PCDH11Y: variants seen among roughly 807,000 people sequenced by gnomAD.
PCDH11Y encodes protocadherin 11 Y-linked.
For synonymous variants in PCDH11Y, 9 were observed against 83.6 expected, an observed-to-expected ratio of 0.11 and a Z score of 4.87; for missense variants, 12 against 224.8, an observed-to-expected ratio of 0.05 and a Z score of 6.05.
chrY:5,006,497 C>A (rs2052539944), intron 1 of PCDH11Y, among the ~76,000 whole-genome samples: 1 of 33,330 alleles, frequency 3.0e-5, no homozygotes, highest in Non-Finnish European at 7.4e-5. Context: ...TCTCTACATT[C>A]AGTGGAATTG....
chrY:5,664,610 T>C, intron 4 of PCDH11Y, among the ~76,000 whole-genome samples: 1 of 29,082 alleles, frequency 3.4e-5, no homozygotes, highest in Non-Finnish European at 8.3e-5. Context: ...TTTTTCTTTT[T>C]TTTTTTTTTT....
In PCDH11Y at chrY:5,191,597, T is replaced by C. The variant is rs771780129; in HGVS notation, c.3129+90890T>C. 1.2e-3 allele frequency among the ~76,000 whole-genome samples: 38 copies of C among 31,233 alleles called. No homozygotes were observed. The South Asian group carries it at 0.028, about 23-fold the overall frequency. The allele number at this position is 31,233 out of a possible 37,273, so 83.8% of individuals were successfully genotyped here. A position where few individuals can be genotyped will look rare whatever the true frequency, so the allele number is the denominator to read the frequency against. On this transcript the variant is annotated intron_variant, in intron 2 of 4. Coordinates refer to the PCDH11Y transcript ENST00000400457. ...ATCTGGCTTTTAAGCCCCGCATACATTAAATATTTGTCCTAATGCTCTCCT... is the reference window on the plus strand; with the variant it reads ...ATCTGGCTTTTAAGCCCCGCATACACTAAATATTTGTCCTAATGCTCTCCT...
chrY:5,655,817 T>C (rs2124706650), intron 4 of PCDH11Y, among the ~76,000 whole-genome samples: 3 of 30,365 alleles, frequency 9.9e-5, no homozygotes, highest in Admixed American at 3.1e-4. Context: ...GTGTACGAGG[T>C]TTCCCTGTTC....
intron 2 of PCDH11Y, among the ~76,000 whole-genome samples, chrY:5,458,018 AACTTT>A (rs1437635385): frequency 3.0e-5 from 1 of 33,088 alleles, no homozygotes; most frequent in Non-Finnish European, 7.5e-5. Flanking sequence ...TAGATGAGAA[AACTTT>A]ACTTTGTGTA....
At chrY:5,007,135 TC>T in intron 1 of PCDH11Y, among the ~76,000 whole-genome samples, 1 of 32,840 alleles carries the variant, frequency 3.0e-5, no homozygotes, top group Non-Finnish European at 7.5e-5. Context: ...AATCTAAAAA[TC>T]CTCAACTGTT....
intron 2 of PCDH11Y, among the ~76,000 whole-genome samples, chrY:5,424,731 C>T (rs2053261625): frequency 1.8e-4 from 6 of 32,540 alleles, no homozygotes. Flanking sequence ...GAGTTTTGCT[C>T]TGTTGCCCAG....
chrY:5,084,755 A>G, intron 1 of PCDH11Y, among the ~76,000 whole-genome samples: 3 of 33,234 alleles, frequency 9.0e-5, no homozygotes, highest in African/African-American at 3.5e-4. Flanking sequence ...TTATCATTAT[A>G]TACTGACTTT....
chrY:5,175,045 A>ATTAG (rs2052891814), intron 2 of PCDH11Y, among the ~76,000 whole-genome samples: 1 of 23,260 alleles, frequency 4.3e-5, no homozygotes, highest in Non-Finnish European at 9.9e-5. Context: ...CATTCTTTGG[A>ATTAG]CACAAATTAG....
intron 4 of PCDH11Y, among the ~76,000 whole-genome samples, chrY:5,589,474 A>T: frequency 3.0e-5 from 1 of 33,423 alleles, no homozygotes; most frequent in Non-Finnish European, 7.4e-5. Context: ...GCAGTGTGAG[A>T]ATGGACTAAT....
intron 2 of PCDH11Y, among the ~76,000 whole-genome samples, chrY:5,431,124 GAC>G (rs2053268478): frequency 3.0e-5 from 1 of 33,184 alleles, no homozygotes; most frequent in Non-Finnish European, 7.4e-5. Context: ...ATGTCTTAAA[GAC>G]AGCCAAACAC....
At chrY:5,566,803 T>C (rs2053435625) in intron 3 of PCDH11Y, among the ~76,000 whole-genome samples, 24 of 32,908 alleles carry the variant, frequency 7.3e-4, no homozygotes, top group African/African-American at 2.7e-3. Flanking sequence ...TAGTCGTGAG[T>C]ATCTGTTCTA....
intron 3 of PCDH11Y, among the ~76,000 whole-genome samples, chrY:5,525,037 C>A (rs2053385274): frequency 4.4e-5 from 1 of 22,555 alleles, no homozygotes; most frequent in Non-Finnish European, 9.7e-5. Context: ...TTTTAAAGGG[C>A]AGGTAAGAGT....
At chrY:5,111,388 G>A in intron 2 of PCDH11Y, among the ~76,000 whole-genome samples, 2 of 33,893 alleles carry the variant, frequency 5.9e-5, no homozygotes, top group South Asian at 6.4e-4. Context: ...GTGAGCCAGC[G>A]CACCTGGCCA....
chrY:5,274,964 T>A, intron 2 of PCDH11Y, among the ~76,000 whole-genome samples: 1 of 34,375 alleles, frequency 2.9e-5, no homozygotes, highest in Non-Finnish European at 7.3e-5. Context: ...ATCATGAAAT[T>A]CATAATTTAC....
At chrY:5,045,367 A>G in intron 3 of PCDH11Y, among the ~76,000 whole-genome samples, 1 of 31,976 alleles carries the variant, frequency 3.1e-5, no homozygotes, top group African/African-American at 1.2e-4. Flanking sequence ...TCCTTCACTT[A>G]TGAAGCTTAG....
intron 3 of PCDH11Y, among the ~76,000 whole-genome samples, chrY:5,577,883 G>A (rs2053447632): frequency 3.1e-5 from 1 of 32,329 alleles, no homozygotes; most frequent in African/African-American, 1.2e-4. Flanking sequence ...AGATCTGATG[G>A]TTTTATAAGG....
At chrY:5,029,178 A>C in intron 1 of PCDH11Y, among the ~76,000 whole-genome samples, 1 of 33,356 alleles carries the variant, frequency 3.0e-5, no homozygotes, top group Non-Finnish European at 7.4e-5. Flanking sequence ...AAAATGTTAA[A>C]TATAAAGGAT....
intron 2 of PCDH11Y, among the ~76,000 whole-genome samples, chrY:5,445,518 TTCC>T (rs2053287057): frequency 6.8e-4 from 19 of 27,775 alleles, no homozygotes; most frequent in Admixed American, 1.1e-3. Flanking sequence ...CCTCCTCCTT[TTCC>T]TCCTCCTCCT....
chrY:5,058,033 A>C, intron 1 of PCDH11Y, among the ~76,000 whole-genome samples: 1 of 33,563 alleles, frequency 3.0e-5, no homozygotes, highest in Non-Finnish European at 7.4e-5. Flanking sequence ...CATCAAATTG[A>C]GATTAAATTT....
Sources: gnomAD v4.1 joint callset for allele counts (sites outside exome capture counted in the v4.1 genomes callset) on GRCh38, gnomAD v4.1.1 for gene constraint, MANE v1.5 for transcripts, NCBI Gene and HGNC (gene_info 2026-07-23, HGNC 2026-07-21) for gene names.